Variants in LRIG1 observed in about 807,000 individuals in gnomAD.
LRIG1 encodes leucine rich repeats and immunoglobulin like domains 1.
In LRIG1, 48 loss-of-function variants were observed where a neutral mutation model predicts 99.2. The ratio of observed to expected loss-of-function variants is 0.48; its 90% confidence interval spans 0.38 to 0.62. The LOEUF is 0.62. LRIG1 is among the 20% of genes least tolerant of loss of function. The pLI is 0.00. For missense variants in LRIG1, 1,646 were observed against 1,434.4 expected (o/e 1.15, Z -2.38); for synonymous variants, 772 against 596.1 (o/e 1.29, Z -4.30).
At chr3:66,413,775 T>TTC (rs1363387100) in intron 5 of LRIG1, among the ~76,000 whole-genome samples, 1 of 152,158 alleles carries the variant, frequency 6.6e-6, no homozygotes, top group Admixed American at 6.5e-5. Context: ...CACTGAGACC[T>TTC]TCTCCACAGA....
At chr3:66,387,803 A>T (rs1243858626) in intron 12 of LRIG1, 4 of 152,042 alleles carry the variant, frequency 2.6e-5, no homozygotes, top group African/African-American at 9.7e-5. Flanking sequence ...TAAAAAAAAT[A>T]TCGAAGGATA....
At chr3:66,499,171 G>A (rs1471066969) in intron 1 of LRIG1, among the ~76,000 whole-genome samples, 1 of 149,430 alleles carries the variant, frequency 6.7e-6, no homozygotes, top group East Asian at 2.0e-4. Context: ...TTTGTTAGAA[G>A]TAAAAGAAGA....
intron 3 of LRIG1, among the ~76,000 whole-genome samples, chr3:66,445,734 A>T (rs1025256346): frequency 6.6e-6 from 1 of 152,202 alleles, no homozygotes; most frequent in African/African-American, 2.4e-5. Flanking sequence ...TGCAACATGG[A>T]GAAAGTTTTA....
chr3:66,411,945 C>T (rs894982667), intron 6 of LRIG1, among the ~76,000 whole-genome samples: 1 of 1,286 alleles, frequency 7.8e-4, no homozygotes, highest in Non-Finnish European at 1.4e-3. Context: ...GGGGTGGTGG[C>T]GGGGGAGGCT....
chr3:66,401,885 C>T (rs953515503), intron 9 of LRIG1, among the ~76,000 whole-genome samples: 1 of 152,170 alleles, frequency 6.6e-6, no homozygotes, highest in African/African-American at 2.4e-5. Flanking sequence ...GCCTGGTTAG[C>T]GCTTGCCAAA....
chr3:66,397,515 C>G (rs1034287879), intron 11 of LRIG1, among the ~76,000 whole-genome samples: 3 of 152,090 alleles, frequency 2.0e-5, no homozygotes, highest in Non-Finnish European at 4.4e-5. Context: ...GACTAGCTCC[C>G]CTGCCAGAGT....
intron 3 of LRIG1, among the ~76,000 whole-genome samples, chr3:66,446,229 T>C (rs1290312123): frequency 6.6e-6 from 1 of 151,936 alleles, no homozygotes; most frequent in African/African-American, 2.4e-5. Context: ...CTCAGATCCC[T>C]CCAACCCCAC....
intron 1 of LRIG1, among the ~76,000 whole-genome samples, chr3:66,477,568 C>T (rs1700750574): frequency 6.6e-6 from 1 of 152,196 alleles, no homozygotes; most frequent in African/African-American, 2.4e-5. Context: ...GGCAAACTGT[C>T]TGGACTTCAG....
chr3:66,493,968 AAAAG>A (rs1407772976), intron 1 of LRIG1, among the ~76,000 whole-genome samples: 21 of 150,944 alleles, frequency 1.4e-4, no homozygotes, highest in Admixed American at 7.3e-4. Context: ...AAAGAAAAAG[AAAAG>A]AAAGAGAAAA....
At chr3:66,447,971 C>T (rs924645295) in intron 3 of LRIG1, among the ~76,000 whole-genome samples, 5 of 152,160 alleles carry the variant, frequency 3.3e-5, no homozygotes, top group African/African-American at 9.7e-5. Context: ...TTCTTTTTCT[C>T]GGCACTATTT....
In LRIG1 at chr3:66,437,553, G is replaced by A. The variant is rs145965378; in HGVS notation, c.365+14006C>T. Among the ~76,000 whole-genome samples the A allele has an allele frequency of 7.4e-4, 112 of 152,152 alleles. 2 individuals are homozygous for A. Among genetic ancestry groups the A allele is most frequent in the African/African-American group, 2.6e-3 (108 of 41,510 alleles). ...CTCAGCAGGCCACTTCTACTATAAC[G>A]TGCCCAAGCCTGTCTCTCCACCTTG... On this transcript the variant is annotated intron_variant, in intron 3 of 18. Coordinates refer to ENST00000273261, the MANE Select transcript of LRIG1 (RefSeq NM_015541.3).
intron 1 of LRIG1, among the ~76,000 whole-genome samples, chr3:66,476,185 G>A (rs984116660): frequency 6.6e-6 from 1 of 152,144 alleles, no homozygotes; most frequent in Non-Finnish European, 1.5e-5. Context: ...CTCGAAATGC[G>A]CAGAGATTAA....
At chr3:66,400,536 G>A (rs1702013831) in intron 9 of LRIG1, among the ~76,000 whole-genome samples, 1 of 152,176 alleles carries the variant, frequency 6.6e-6, no homozygotes, top group Non-Finnish European at 1.5e-5. Flanking sequence ...AGGCAATGGG[G>A]TGCAGGTGGG....
chr3:66,454,402 A>G (rs1380853266), intron 2 of LRIG1, among the ~76,000 whole-genome samples: 3 of 152,232 alleles, frequency 2.0e-5, no homozygotes, highest in African/African-American at 7.2e-5. Flanking sequence ...CAGGAAGTTT[A>G]GCAGAGTCTC....
intron 1 of LRIG1, among the ~76,000 whole-genome samples, chr3:66,473,377 G>T (rs962467255): frequency 6.6e-6 from 1 of 152,100 alleles, no homozygotes; most frequent in African/African-American, 2.4e-5. Flanking sequence ...GCCTCCACTG[G>T]AACTTACACA....
At chr3:66,384,720 A>G (rs998963534) in intron 13 of LRIG1, among the ~76,000 whole-genome samples, 1 of 151,642 alleles carries the variant, frequency 6.6e-6, no homozygotes, top group African/African-American at 2.4e-5. Context: ...TCATGGGATG[A>G]ATGGGATGGC....
At chr3:66,412,580 A>C (rs1219901738) in intron 6 of LRIG1, among the ~76,000 whole-genome samples, 8 of 152,208 alleles carry the variant, frequency 5.3e-5, no homozygotes, top group Non-Finnish European at 8.8e-5. Flanking sequence ...CTGCAAAGGG[A>C]AGGGGGCTGG....
intron 4 of LRIG1, among the ~76,000 whole-genome samples, chr3:66,416,718 G>T (rs776775039): frequency 3.3e-5 from 5 of 152,206 alleles, no homozygotes; most frequent in Admixed American, 2.6e-4. Flanking sequence ...GATAAGCTAA[G>T]CCCTGTTAGA....
rs560958791 is a variant in LRIG1, at chr3:66,416,379, T to C, written c.503+750A>G. Among the ~76,000 whole-genome samples the C allele has an allele frequency of 1.2e-4, 18 of 152,288 alleles. No individual in the cohort carries two copies. The East Asian group carries it at 3.3e-3, about 28-fold the overall frequency. On this transcript the variant is annotated intron_variant, in intron 4 of 18. Transcript: ENST00000273261. ...GGTCACAATGACCCCTAAACCAGCC[T>C]TGCGAATGCGTTCCAAAGTTAACTC... is the stretch of plus-strand genomic sequence containing the variant.
Sources: gnomAD v4.1 joint callset for allele counts (sites outside exome capture counted in the v4.1 genomes callset) on GRCh38, gnomAD v4.1.1 for gene constraint, MANE v1.5 for transcripts, NCBI Gene and HGNC (gene_info 2026-07-23, HGNC 2026-07-21) for gene names.